ABCA3: variants seen among roughly 807,000 people sequenced by gnomAD.
ABCA3 encodes the protein phospholipid-transporting ATPase ABCA3.
ABCA3 carries 88 observed loss-of-function variants against 172.8 expected under a neutral mutation model. That is an observed-to-expected ratio of 0.51 (90% CI 0.43 to 0.61). The LOEUF is 0.61. Ranked by LOEUF, ABCA3 falls within the 20% of genes least tolerant of loss-of-function variation. The pLI is 0.00. For missense variants in ABCA3, 2,164 were observed against 2,301.0 expected (o/e 0.94, Z 1.22); for synonymous variants, 1,066 against 983.8 (o/e 1.08, Z -1.56).
At position 2,298,530 on chromosome 16, in the gene ABCA3, G is replaced by A. The variant is rs749897573; in HGVS notation, c.1752C>T (p.Pro584=). The change falls in exon 15 of 33, where the codon CCC becomes CCT. Residue 584 remains proline, a synonymous_variant. Transcript: ENST00000301732. ...TGATGTATGCCCGTCCACTGGTGGG[G>A]GGAAAGAGACCTGGGGCCCAGCAGG... The part of the protein sequence containing the change: ...TTLSMLTGLF[P]PTSGRAYISG... The A allele has an allele frequency of 6.2e-7, 1 of 1,613,420 alleles. No individual in the cohort carries two copies. Among genetic ancestry groups the A allele is most frequent in the South Asian group, 1.1e-5 (1 of 91,060 alleles).
In ABCA3 at chr16:2,326,202, G is replaced by T; in HGVS notation, c.127C>A (p.Arg43Ser). 6.2e-7 allele frequency: 1 copy of T among 1,614,110 alleles called. No individual in the cohort carries two copies. The highest frequency in any genetic ancestry group is 1.7e-5 in the Admixed American group (1 of 60,016). ...LLFSGILIWL[R>S]LKIQSENVPN... is the part of the protein sequence containing the mutation. ...ACATTTTCCGACTGAATCTTCAAGC[G>T]GAGCCAGATGAGGATCCCAGAAAAC... The change falls in exon 5 of 33, where the codon CGC becomes AGC. Residue 43 changes from arginine (R) to serine (S), a missense_variant. Physicochemically the swap from Arg to Ser is moderately radical, Grantham distance 110 (BLOSUM62 -1). Coordinates refer to ENST00000301732, the MANE Select transcript of ABCA3 (RefSeq NM_001089.3).
At chr16:2,321,433 C>T (rs1308289963) in intron 7 of ABCA3, among the ~76,000 whole-genome samples, 5 of 152,352 alleles carry the variant, frequency 3.3e-5, no homozygotes, top group East Asian at 1.9e-4. Flanking sequence ...GCCTGCCTGG[C>T]ACTTGTGTCT....
Position 2,319,814 on chromosome 16 carries a change from C to A in ABCA3, c.640G>T (p.Val214Leu). 4 of 1,613,960 alleles carry A rather than the reference C, an allele frequency of 2.5e-6. No individual in the cohort carries two copies. Among genetic ancestry groups the A allele is most frequent in the Non-Finnish European group, 3.4e-6 (4 of 1,180,030 alleles). The change falls in exon 8 of 33, where the codon GTG (valine) becomes TTG (leucine). Residue 214 changes from valine (V) to leucine (L), a missense_variant. This residue lies in a region of ABCA3 where 1,343 missense variants were observed against 1,369.6 expected (regional missense o/e 0.98). Coordinates refer to ENST00000301732, the MANE Select transcript of ABCA3 (RefSeq NM_001089.3). Reference sequence around the variant, plus strand: ...ATGGCCCGGTCCACAGCATGCTGCACGGCCAGGAAGCCTTCCCGGATGTAC... The same window carrying A: ...ATGGCCCGGTCCACAGCATGCTGCAAGGCCAGGAAGCCTTCCCGGATGTAC... ...PGYIREGFLA[V>L]QHAVDRAIME...
chr16:2,303,764 T>G (rs1024440524), intron 12 of ABCA3, among the ~76,000 whole-genome samples: 3 of 152,202 alleles, frequency 2.0e-5, no homozygotes, highest in South Asian at 4.2e-4. Flanking sequence ...AGGATTACTC[T>G]TGGGCATGGA....
Position 2,317,661 on chromosome 16 carries a change from A to G in ABCA3, c.977T>C (p.Leu326Pro), listed in dbSNP as rs121909185. Reference sequence around the variant, plus strand: ...CGCCATGCTCACCTTGACACAGAAGAGCAGGGTCATGAAGGAGGCGGCGAT... The same window carrying G: ...CGCCATGCTCACCTTGACACAGAAGGGCAGGGTCATGAAGGAGGCGGCGAT... ...LLIAASFMTL[L>P]FCVKVKPNVA... Residue 326 changes from leucine to proline, a missense_variant, in exon 9 of 33, where the codon CTC (leucine) becomes CCC (proline). By Grantham distance (98) the Leu-to-Pro change is moderately conservative. This residue lies in a region of ABCA3 where 1,343 missense variants were observed against 1,369.6 expected (regional missense o/e 0.98). Transcript: ENST00000301732. 6.2e-7 allele frequency: 1 copy of G among 1,614,196 alleles called. No individual in the cohort carries two copies. The highest frequency in any genetic ancestry group is 8.5e-7 in the Non-Finnish European group (1 of 1,180,016).
chr16:2,328,221 T>C (rs2093737389), intron 3 of ABCA3, among the ~76,000 whole-genome samples: 1 of 152,148 alleles, frequency 6.6e-6, no homozygotes. Context: ...AAATCTGTCT[T>C]ACTAAATTTC....
At position 2,295,718 on chromosome 16, in the gene ABCA3, C is replaced by T. The variant is rs745439512; in HGVS notation, c.2286G>A (p.Leu762=). ...QKYGAGYHMT[L]VKEPHCNPED... ...CCGGGTTGCAGTGCGGCTCCTTCAC[C>T]AGCGTCATGTGATAGCCGGCACCTG... Residue 762 remains leucine, a synonymous_variant, in exon 18 of 33, where the codon CTG becomes CTA. Transcript: ENST00000301732. 6.2e-7 allele frequency: 1 copy of T among 1,613,972 alleles called. No homozygotes were observed. Among genetic ancestry groups the T allele is most frequent in the South Asian group, 1.1e-5 (1 of 91,092 alleles).
rs769221402 is a variant in ABCA3 at position 2,283,383 on chromosome 16, C to T, written c.3863-25G>A. The T allele has an allele frequency of 2.9e-5, 47 of 1,608,484 alleles. No homozygotes were observed. Among genetic ancestry groups the T allele is most frequent in the Non-Finnish European group, 3.9e-5 (46 of 1,177,400 alleles). On this transcript the variant is annotated intron_variant, in intron 25 of 32. Transcript: ENST00000301732. This position sits in a 1 kb window ranked among gnomAD's most constrained non-coding sequence, Gnocchi z 5.4. ...TCTGTGGGGCGAGGGAGTCACTGTG[C>T]CCCGAGGCCTGGGGCACCCTCCTCC...
intron 12 of ABCA3, among the ~76,000 whole-genome samples, chr16:2,301,188 A>ACG (rs2093688844): frequency 6.7e-6 from 1 of 148,474 alleles, no homozygotes. Context: ...CCGAGATGGC[A>ACG]CCACTGTACT....
At chr16:2,302,531 G>A in intron 12 of ABCA3, among the ~76,000 whole-genome samples, 1 of 150,522 alleles carries the variant, frequency 6.6e-6, no homozygotes, top group East Asian at 1.9e-4. Context: ...TTTCACCAAA[G>A]TTGGAGTGTG....
Position 2,297,939 on chromosome 16 carries a change from G to A in ABCA3, c.1897-18C>T, listed in dbSNP as rs188695332. 13 of 1,612,932 alleles carry A rather than the reference G, an allele frequency of 8.1e-6. No individual in the cohort carries two copies. Among genetic ancestry groups the A allele is most frequent in the Admixed American group, 5.0e-5 (3 of 59,970 alleles). On this transcript the variant is annotated intron_variant, in intron 15 of 32. Coordinates refer to ENST00000301732, the MANE Select transcript of ABCA3 (RefSeq NM_001089.3). The surrounding 1 kb of genome is among the most constrained non-coding windows in gnomAD (Gnocchi z 5.6). Reference sequence around the variant, plus strand: ...CCCTTCAGCTGCAACGACAGGGGACGCAGGGAGATGCAGGGCTCCTGGCGG... The same window carrying A: ...CCCTTCAGCTGCAACGACAGGGGACACAGGGAGATGCAGGGCTCCTGGCGG...
At position 2,276,575 on chromosome 16, in the gene ABCA3, TTAAAAATAAAG is replaced by T; in HGVS notation, c.*88_*98del. ...TCATATCCATCATAGAAAAAAGTGA[TTAAAAATAAAG>T]GATGAGATAAACTTGGAGAGAGAGG... On this transcript the variant is annotated 3_prime_UTR_variant, in exon 33 of 33. Coordinates refer to ENST00000301732, the MANE Select transcript of ABCA3 (RefSeq NM_001089.3). 1 of 1,555,646 alleles carries T rather than the reference TTAAAAATAAAG, an allele frequency of 6.4e-7. No individual in the cohort carries two copies. Among genetic ancestry groups the T allele is most frequent in the Admixed American group, 1.8e-5 (1 of 55,392 alleles).
intron 12 of ABCA3, 76 bp downstream of exon 12, chr16:2,303,893 G>C (rs1288782435): frequency 7.2e-6 from 11 of 1,529,062 alleles, no homozygotes; most frequent in Non-Finnish European, 9.9e-6. Context: ...GGACTCAGAG[G>C]GGTCCCTGAG....
chr16:2,335,741 T>A (rs2141752432), intron 1 of ABCA3, among the ~76,000 whole-genome samples: 1 of 152,320 alleles, frequency 6.6e-6, no homozygotes, highest in Non-Finnish European at 1.5e-5. Flanking sequence ...TTTACAAGTT[T>A]CAGAGCTTTC....
rs1279188633 is a variant in ABCA3 at position 2,298,490 on chromosome 16, A to T, written c.1792T>A (p.Ser598Thr). The T allele has an allele frequency of 6.2e-7, 1 of 1,614,058 alleles. No homozygotes were observed. The change falls in exon 15 of 33, where the codon TCC becomes ACC. Residue 598 changes from serine (S) to threonine (T), a missense_variant. Coordinates refer to ENST00000301732, the MANE Select transcript of ABCA3 (RefSeq NM_001089.3). ...TTCCGGATCTGAACCATGTCCTGGG[A>T]AATTTCATACCCGCTGATGTATGCC... is the stretch of plus-strand genomic sequence containing the variant. ...GRAYISGYEI[S>T]QDMVQIRKSL...
chr16:2,325,302 C>G (rs1055371965), intron 5 of ABCA3, among the ~76,000 whole-genome samples: 2 of 152,204 alleles, frequency 1.3e-5, no homozygotes, highest in South Asian at 4.1e-4. Context: ...AAGTCCTGTC[C>G]ACCCTACTGA....
intron 10 of ABCA3, among the ~76,000 whole-genome samples, chr16:2,316,630 A>G (rs909826280): frequency 6.6e-6 from 1 of 151,532 alleles, no homozygotes. Flanking sequence ...GTGAGCCAAG[A>G]TCGCACTAAT....
At chr16:2,337,800 C>T (rs1174226697) in intron 1 of ABCA3, among the ~76,000 whole-genome samples, 1 of 152,210 alleles carries the variant, frequency 6.6e-6, no homozygotes, top group Non-Finnish European at 1.5e-5. Context: ...GCACTGGCAT[C>T]GCAGGCCCTG....
chr16:2,285,042 A>G lies in ABCA3; in HGVS notation c.3484-44T>C. ...GCGCTGCTGTGCATGCCAAGCTGAG[A>G]GGAGCTCACGGGTAGGGAAGGGGTG... On this transcript the variant is annotated intron_variant, in intron 23 of 32. Transcript: ENST00000301732. This position sits in a 1 kb window ranked among gnomAD's most constrained non-coding sequence, Gnocchi z 4.7. The G allele has an allele frequency of 6.3e-7, 1 of 1,594,818 alleles. No homozygotes were observed. The highest frequency in any genetic ancestry group is 8.5e-7 in the Non-Finnish European group (1 of 1,171,110).
Sources: allele counts gnomAD v4.1 joint callset (sites outside exome capture counted in the v4.1 genomes callset), GRCh38; gene constraint gnomAD v4.1.1; regional missense constraint gnomAD v4.1.1; non-coding constraint Gnocchi (gnomAD v3.1); transcripts MANE v1.5; gene names NCBI Gene and HGNC (gene_info 2026-07-23, HGNC 2026-07-21).